SNX8: variants seen among roughly 807,000 people sequenced by gnomAD.
SNX8 encodes sorting nexin-8.
In SNX8, 25 loss-of-function variants were observed where a neutral mutation model predicts 51.6. The observed-to-expected ratio is 0.48, with a 90% CI of 0.35 to 0.68. The LOEUF (loss-of-function observed/expected upper bound fraction) is 0.68, where lower values mean the gene tolerates loss of function less well. Ranked by LOEUF, SNX8 falls within the 30% of genes least tolerant of loss-of-function variation. The pLI is 0.00. For missense variants in SNX8, 695 were observed against 624.0 expected, an observed-to-expected ratio of 1.11 and a Z score of -1.21; for synonymous variants, 324 against 277.0, an observed-to-expected ratio of 1.17 and a Z score of -1.68.
chr7:2,292,451 G>A (rs1367941907), intron 1 of SNX8, among the ~76,000 whole-genome samples: 3 of 148,640 alleles, frequency 2.0e-5, no homozygotes, highest in South Asian at 2.1e-4. Flanking sequence ...TTGCTCTGTC[G>A]CCCAGGCTGT....
At chr7:2,354,489 C>T (rs1236205186), upstream of SNX8, among the ~76,000 whole-genome samples, 1 of 152,124 alleles carries the variant, frequency 6.6e-6, no homozygotes, top group African/African-American at 2.4e-5. Context: ...CCTAGCATTC[C>T]GGGTACTAAA....
At position 2,255,046 on chromosome 7, in the gene SNX8, G is replaced by C. The variant is rs1283667166; in HGVS notation, c.*10C>G. On this transcript the variant is annotated 3_prime_UTR_variant, in exon 11 of 11. Coordinates refer to ENST00000222990, the MANE Select transcript of SNX8 (RefSeq NM_013321.4). ...TGCGGCCGCAGGGAGCACCACCTCA[G>C]CCTCAGGCGCTAGTGAGGACACAGG... 1.3e-6 allele frequency: 2 copies of C among 1,532,492 alleles called. No individual in the cohort carries two copies. Among genetic ancestry groups the C allele is most frequent in the East Asian group, 4.8e-5 (2 of 41,440 alleles). 94.9% of individuals were successfully genotyped at this position (1,532,492 alleles called of 1,614,324 possible). A position where few individuals can be genotyped will look rare whatever the true frequency, so the allele number is the denominator to read the frequency against.
At chr7:2,339,352 C>T (rs1778882796) in intron 1 of SNX8, among the ~76,000 whole-genome samples, 1 of 151,974 alleles carries the variant, frequency 6.6e-6, no homozygotes, top group Non-Finnish European at 1.5e-5. Flanking sequence ...ACTACAGGCA[C>T]GTGCCACCAC....
In SNX8 at chr7:2,308,885, G is replaced by C. The variant is rs182370171; in HGVS notation, c.94+5443C>G. ...AACCTCTACAACCTCTGCCTCCCAGGTTAACGCAATTCTCCCACCTCAGCC... is the reference window on the plus strand; with the variant it reads ...AACCTCTACAACCTCTGCCTCCCAGCTTAACGCAATTCTCCCACCTCAGCC... On this transcript the variant is annotated intron_variant, in intron 1 of 10. Coordinates refer to ENST00000222990, the MANE Select transcript of SNX8 (RefSeq NM_013321.4). 1.5e-3 allele frequency among the ~76,000 whole-genome samples: 228 copies of C among 151,120 alleles called. 5 individuals are homozygous for C. Among genetic ancestry groups the C allele is most frequent in the Non-Finnish European group, 1.8e-4 (12 of 67,874 alleles).
intron 1 of SNX8, among the ~76,000 whole-genome samples, chr7:2,302,719 A>C: frequency 1.4e-5 from 2 of 137,954 alleles, no homozygotes; most frequent in African/African-American, 2.8e-5. Flanking sequence ...CCGGCCGCCC[A>C]TCGTCTGAGA....
intron 1 of SNX8, among the ~76,000 whole-genome samples, chr7:2,322,098 T>G (rs1363694186): frequency 6.6e-6 from 1 of 152,220 alleles, no homozygotes; most frequent in African/African-American, 2.4e-5. Context: ...TCTGTTTTTT[T>G]GATTCACATG....
intron 3 of SNX8, among the ~76,000 whole-genome samples, chr7:2,273,107 T>G (rs1473181294): frequency 1.3e-5 from 2 of 151,984 alleles, no homozygotes; most frequent in African/African-American, 4.8e-5. Flanking sequence ...GTGCTGGGAT[T>G]ACAGGCATGA....
chr7:2,331,705 A>AAAAT (rs61385746), intron 1 of SNX8, among the ~76,000 whole-genome samples: 59,986 of 145,236 alleles, frequency 0.41, 13,712 homozygotes, highest in East Asian at 0.59. Context: ...ACTCCGTCTC[A>AAAAT]AAATAAATAA....
At chr7:2,314,559 G>A (rs1796724426), upstream of SNX8, 14 of 884,328 alleles carry the variant, frequency 1.6e-5, no homozygotes, top group South Asian at 5.7e-4. Context: ...CGCCCCTGCG[G>A]GCCCGCCGCG....
intron 1 of SNX8, among the ~76,000 whole-genome samples, chr7:2,334,868 T>TA (rs1778796257): frequency 3.4e-5 from 1 of 29,064 alleles, no homozygotes; most frequent in Admixed American, 6.4e-4. Context: ...AGCCCATCTC[T>TA]GAAAAAAAAA....
At chr7:2,319,462 C>A (rs992375018) in intron 1 of SNX8, among the ~76,000 whole-genome samples, 2 of 151,058 alleles carry the variant, frequency 1.3e-5, no homozygotes, top group Non-Finnish European at 2.9e-5. Context: ...AAGTTCAAGA[C>A]AAGCTTGGCC....
intron 1 of SNX8, among the ~76,000 whole-genome samples, chr7:2,301,357 C>T (rs1330212501): frequency 6.6e-6 from 1 of 152,222 alleles, no homozygotes; most frequent in Non-Finnish European, 1.5e-5. Flanking sequence ...ACAAGGCAGG[C>T]CAGCCCCCAA....
At chr7:2,321,346 G>C (rs988970785) in intron 1 of SNX8, among the ~76,000 whole-genome samples, 1 of 152,086 alleles carries the variant, frequency 6.6e-6, no homozygotes, top group African/African-American at 2.4e-5. Flanking sequence ...AATGTGCACC[G>C]ACACGTCTGC....
At position 2,257,413 on chromosome 7, in the gene SNX8, C is replaced by G. The variant is rs1291740014; in HGVS notation, c.1086G>C (p.Gln362His). The G allele has an allele frequency of 6.2e-7, 1 of 1,610,860 alleles. No individual in the cohort carries two copies. The highest frequency in any genetic ancestry group is 1.1e-5 in the South Asian group (1 of 90,934). Residue 362 changes from glutamine (Q) to histidine (H), a missense_variant, in exon 9 of 11, where the codon CAG becomes CAC. Gln to His is a conservative substitution (Grantham distance 24). Coordinates refer to ENST00000222990, the MANE Select transcript of SNX8 (RefSeq NM_013321.4). The stretch of plus-strand genomic sequence containing the variant: ...GCTCCACGGACTCCGGCTCGCGGTT[C>G]TGCGCGGTGGCGCTCATCATCTGCC... ...MKRQMMSATA[Q>H]NREPESVEQL...
At chr7:2,309,814 G>C (rs567997691) in intron 1 of SNX8, 1 of 471,092 alleles carries the variant, frequency 2.1e-6, no homozygotes, top group East Asian at 6.9e-5. Flanking sequence ...CCTGACATGA[G>C]CGAGCAGCTG....
At chr7:2,257,949 G>C (rs1584664084) in intron 7 of SNX8, 146 bp from the exon 8 acceptor site, 1 of 708,580 alleles carries the variant, frequency 1.4e-6, no homozygotes, top group East Asian at 2.6e-5. Context: ...GTCTGCAGGG[G>C]GCCCCCTTCC....
intron 1 of SNX8, among the ~76,000 whole-genome samples, chr7:2,298,183 G>A (rs1165446798): frequency 2.6e-5 from 4 of 151,878 alleles, no homozygotes; most frequent in African/African-American, 9.7e-5. Context: ...ATCACAGCTC[G>A]CACAGTGCGA....
At chr7:2,349,902 G>C (rs1032322995) in intron 1 of SNX8, among the ~76,000 whole-genome samples, 1 of 152,062 alleles carries the variant, frequency 6.6e-6, no homozygotes, top group Non-Finnish European at 1.5e-5. Flanking sequence ...GCTGGCCCAT[G>C]GTGGACAGGT....
At chr7:2,277,021 G>C (rs1361070409) in intron 2 of SNX8, among the ~76,000 whole-genome samples, 1 of 152,272 alleles carries the variant, frequency 6.6e-6, no homozygotes, top group South Asian at 2.1e-4. Flanking sequence ...ACAAGCCCCT[G>C]GCAGTGCCGT....
Sources: allele counts gnomAD v4.1 joint callset (sites outside exome capture counted in the v4.1 genomes callset), GRCh38; gene constraint gnomAD v4.1.1; transcripts MANE v1.5; gene names NCBI Gene and HGNC (gene_info 2026-07-23, HGNC 2026-07-21).